Variants in SVEP1 observed in about 807,000 individuals in gnomAD.
The protein encoded by SVEP1 is sushi, von Willebrand factor type A, EGF and pentraxin domain containing 1.
SVEP1 carries 164 observed loss-of-function variants against 367.3 expected under a neutral mutation model. That is an observed-to-expected ratio of 0.45 (90% confidence interval 0.39 to 0.51). SVEP1 has a LOEUF of 0.51. Ranked by LOEUF, SVEP1 falls within the 20% of genes least tolerant of loss-of-function variation. The pLI is 0.00. For missense variants in SVEP1, 4,117 were observed against 4,425.3 expected (o/e 0.93, Z 1.98); for synonymous variants, 1,666 against 1,611.6 (o/e 1.03, Z -0.81).
At chr9:110,524,829 C>A (rs1388916676) in intron 3 of SVEP1, among the ~76,000 whole-genome samples, 1 of 151,720 alleles carries the variant, frequency 6.6e-6, no homozygotes, top group Non-Finnish European at 1.5e-5. Context: ...CTCTTACCTT[C>A]GCTGCCCATG....
chr9:110,532,487 T>C (rs1180162741), intron 3 of SVEP1, among the ~76,000 whole-genome samples: 1 of 152,102 alleles, frequency 6.6e-6, no homozygotes, highest in Non-Finnish European at 1.5e-5. Context: ...CACAAGTGGA[T>C]TCATGAAAAG....
intron 32 of SVEP1, 26 bp downstream of exon 32, chr9:110,431,889 C>T (rs1828354657): frequency 6.2e-7 from 1 of 1,612,688 alleles, no homozygotes; most frequent in Non-Finnish European, 8.5e-7. Flanking sequence ...GAATTAGGAA[C>T]TTTTAGTTCT....
At chr9:110,410,987 ATTAT>A in intron 37 of SVEP1, 72 bp downstream of exon 37, 1 of 1,364,360 alleles carries the variant, frequency 7.3e-7, no homozygotes, top group Non-Finnish European at 9.8e-7. Flanking sequence ...TTTGGACTCA[ATTAT>A]TTGTTTTGTT....
intron 36 of SVEP1, among the ~76,000 whole-genome samples, chr9:110,414,141 G>C (rs1828084137): frequency 6.6e-6 from 1 of 152,008 alleles, no homozygotes; most frequent in South Asian, 2.1e-4. Flanking sequence ...CTGTATTGCA[G>C]TGTCACTAAT....
At chr9:110,571,709 G>A (rs902404954) in intron 1 of SVEP1, among the ~76,000 whole-genome samples, 2 of 152,086 alleles carry the variant, frequency 1.3e-5, no homozygotes, top group East Asian at 1.9e-4. Flanking sequence ...TCATCTAGGG[G>A]GTTAACACCA....
At chr9:110,527,384 A>G (rs1829952732) in intron 3 of SVEP1, among the ~76,000 whole-genome samples, 1 of 152,046 alleles carries the variant, frequency 6.6e-6, no homozygotes, top group South Asian at 2.1e-4. Context: ...CATTTTTTAA[A>G]GGATTTTTAT....
intron 1 of SVEP1, among the ~76,000 whole-genome samples, chr9:110,568,331 G>A (rs373515219): frequency 6.4e-4 from 98 of 152,294 alleles, no homozygotes; most frequent in Middle Eastern, 3.4e-3. Context: ...TATTTAGAGA[G>A]TTTTATATAC....
At chr9:110,438,404 C>T (rs1057158601) in intron 27 of SVEP1, among the ~76,000 whole-genome samples, 6 of 151,858 alleles carry the variant, frequency 4.0e-5, no homozygotes, top group African/African-American at 1.5e-4. Context: ...CCTCACCACG[C>T]ATGTTGATCA....
chr9:110,528,467 A>G (rs1829974385), intron 3 of SVEP1, among the ~76,000 whole-genome samples: 1 of 151,526 alleles, frequency 6.6e-6, no homozygotes, highest in Admixed American at 6.6e-5. Flanking sequence ...GTGCCAACAT[A>G]TTTTATGTTT....
At chr9:110,542,529 T>C (rs1225559371) in intron 3 of SVEP1, among the ~76,000 whole-genome samples, 1 of 152,180 alleles carries the variant, frequency 6.6e-6, no homozygotes, top group African/African-American at 2.4e-5. Context: ...CAGCTGTCTG[T>C]CTAACTTGAA....
intron 13 of SVEP1, among the ~76,000 whole-genome samples, chr9:110,479,398 A>G (rs1829150189): frequency 6.6e-6 from 1 of 152,132 alleles, no homozygotes; most frequent in South Asian, 2.1e-4. Context: ...AACCATCCAG[A>G]CCTTAAGCTT....
intron 43 of SVEP1, among the ~76,000 whole-genome samples, chr9:110,380,100 G>C (rs1827412264): frequency 6.6e-6 from 1 of 152,160 alleles, no homozygotes; most frequent in South Asian, 2.1e-4. Context: ...TTTCAATACT[G>C]TAAAAGAGTG....
chr9:110,464,479 T>C (rs552275649), intron 18 of SVEP1, among the ~76,000 whole-genome samples: 1 of 152,200 alleles, frequency 6.6e-6, no homozygotes, highest in Non-Finnish European at 1.5e-5. Context: ...GGACTACAAC[T>C]TCCAAGATGC....
At chr9:110,449,267 C>T (rs536814992) in intron 24 of SVEP1, among the ~76,000 whole-genome samples, 26 of 152,188 alleles carry the variant, frequency 1.7e-4, no homozygotes, top group African/African-American at 6.0e-4. Context: ...CTATTTTCAG[C>T]CACAAAAGCT....
intron 37 of SVEP1, among the ~76,000 whole-genome samples, chr9:110,409,694 G>A (rs1017081700): frequency 2.0e-5 from 3 of 152,022 alleles, no homozygotes; most frequent in Non-Finnish European, 4.4e-5. Context: ...GTTTTTATGG[G>A]TATGTCTTAA....
chr9:110,381,808 T>C (rs970198997), intron 43 of SVEP1, among the ~76,000 whole-genome samples: 12 of 152,182 alleles, frequency 7.9e-5, no homozygotes, highest in African/African-American at 2.9e-4. Flanking sequence ...CCCACTATTA[T>C]TGTGTAAATG....
At position 110,427,686 on chromosome 9, in the gene SVEP1, G is replaced by T. The variant is rs575341239; in HGVS notation, c.5880C>A (p.Leu1960=). The change falls in exon 36 of 48, where the codon CTC becomes CTA. Residue 1960 remains leucine, a synonymous_variant. Transcript: ENST00000374469. The part of the protein sequence containing the change: ...IWDRAPPACH[L]VFCGEPPAIK... ...TGGCAGGTGGTTCTCCACAGAAGAC[G>T]AGGTGACAGGCAGGTGGCGCTCTGT... 1 of 1,613,906 alleles carries T rather than the reference G, an allele frequency of 6.2e-7. No individual in the cohort carries two copies. The highest frequency in any genetic ancestry group is 1.7e-5 in the Admixed American group (1 of 59,996).
intron 39 of SVEP1, among the ~76,000 whole-genome samples, chr9:110,402,123 C>T (rs1488121356): frequency 2.6e-5 from 4 of 151,904 alleles, no homozygotes; most frequent in African/African-American, 9.7e-5. Flanking sequence ...TTTTCTTTTG[C>T]TATATGTGAA....
intron 1 of SVEP1, among the ~76,000 whole-genome samples, chr9:110,573,743 C>G (rs540242353): frequency 3.3e-5 from 5 of 152,134 alleles, no homozygotes; most frequent in Non-Finnish European, 4.4e-5. Flanking sequence ...AGGTAACTTA[C>G]AAACACATGG....
Sources: gnomAD v4.1 joint callset for allele counts (sites outside exome capture counted in the v4.1 genomes callset) on GRCh38, gnomAD v4.1.1 for gene constraint, MANE v1.5 for transcripts, NCBI Gene and HGNC (gene_info 2026-07-23, HGNC 2026-07-21) for gene names.